Variants in NKAIN3 observed in about 807,000 individuals in gnomAD.
The protein encoded by NKAIN3 is sodium/potassium-transporting ATPase subunit beta-1-interacting protein 3.
NKAIN3 carries 25 observed loss-of-function variants against 30.2 expected under a neutral mutation model. That is an observed-to-expected ratio of 0.83 (90% CI 0.60 to 1.16). The LOEUF is 1.16. NKAIN3 is among the 50% of genes most tolerant of loss of function. NKAIN3 has a pLI of 0.00. For synonymous variants in NKAIN3, 91 were observed against 89.6 expected (o/e 1.02, Z -0.09); for missense variants, 225 against 254.1 (o/e 0.89, Z 0.78).
chr8:62,637,895 A>G (rs533435499), intron 3 of NKAIN3, among the ~76,000 whole-genome samples: 8 of 152,292 alleles, frequency 5.3e-5, no homozygotes, highest in Admixed American at 1.3e-4. Flanking sequence ...CCCTCTGCCT[A>G]TAACACATTA....
At position 62,976,141 on chromosome 8, in the gene NKAIN3, T is replaced by G. The variant is rs1368183614; in HGVS notation, c.*10734T>G. On this transcript the variant is annotated 3_prime_UTR_variant, in exon 7 of 7. Transcript: ENST00000623646. ...TTTAGGAAAATGTGCTATGTGATGCTGAGGAGAATGTATATTCTGTTGATT... is the reference window on the plus strand; with the variant it reads ...TTTAGGAAAATGTGCTATGTGATGCGGAGGAGAATGTATATTCTGTTGATT... Among the ~76,000 whole-genome samples, 4 of 152,216 alleles carry G rather than the reference T, an allele frequency of 2.6e-5. No individual in the cohort carries two copies. Among genetic ancestry groups the G allele is most frequent in the South Asian group, 4.1e-4 (2 of 4,822 alleles).
chr8:62,850,350 T>C (rs1476354459), intron 4 of NKAIN3, among the ~76,000 whole-genome samples: 1 of 152,156 alleles, frequency 6.6e-6, no homozygotes, highest in African/African-American at 2.4e-5. Context: ...AGATTCTGCA[T>C]ATTAGCCCTT....
chr8:62,324,293 AAAAG>A (rs2129589628), intron 1 of NKAIN3, among the ~76,000 whole-genome samples: 1 of 152,242 alleles, frequency 6.6e-6, no homozygotes, highest in African/African-American at 2.4e-5. Context: ...AGAGTATTGA[AAAAG>A]AAAGAACATA....
At chr8:62,838,107 TCTCA>T (rs1353478167) in intron 4 of NKAIN3, among the ~76,000 whole-genome samples, 4 of 148,156 alleles carry the variant, frequency 2.7e-5, no homozygotes, top group African/African-American at 1.0e-4. Flanking sequence ...TGTGTGTGTA[TCTCA>T]CTCTGAACAA....
In NKAIN3 at chr8:62,377,605, C is replaced by T. The variant is rs117636168; in HGVS notation, c.54+128478C>T. Among the ~76,000 whole-genome samples the T allele has an allele frequency of 7.5e-3, 1,144 of 152,192 alleles. 10 individuals carry two copies. The highest frequency in any genetic ancestry group is 0.013 in the Non-Finnish European group (914 of 68,020). On this transcript the variant is annotated intron_variant, in intron 1 of 6. Transcript: ENST00000623646. ...CATCTTGAATTATAATCCCGTAATT[C>T]CCACAAGTTGTGGGAAGGACCTGGT...
intron 1 of NKAIN3, among the ~76,000 whole-genome samples, chr8:62,349,458 A>G (rs1181243323): frequency 6.6e-6 from 1 of 152,202 alleles, no homozygotes; most frequent in Non-Finnish European, 1.5e-5. Context: ...TTGTTCAACT[A>G]TTAGTAATTT....
rs10525699 is a variant in NKAIN3 at position 62,845,285 on chromosome 8, T to TTATATATATATATATATATATATATA, written c.472-73165_472-73140dup. ...ATTCATTGACCTGCTGGATAGTAGATTATATATATATATATATATATATAT... is the reference window on the plus strand; with the variant it reads ...ATTCATTGACCTGCTGGATAGTAGATTATATATATATATATATATATATATATATATATATATATATATATATATAT... On this transcript the variant is annotated intron_variant, in intron 4 of 6. Coordinates refer to ENST00000623646, the MANE Select transcript of NKAIN3 (RefSeq NM_001304533.3). Among the ~76,000 whole-genome samples, 125 of 68,868 alleles carry TTATATATATATATATATATATATATA rather than the reference T, an allele frequency of 1.8e-3. 7 individuals carry two copies. Among genetic ancestry groups the TTATATATATATATATATATATATATA allele is most frequent in the Middle Eastern group, 0.014 (2 of 148 alleles). The allele number at this position is 68,868 out of a possible 152,430, so 45.2% of individuals were successfully genotyped here. A position where few individuals can be genotyped will look rare whatever the true frequency, so the allele number is the denominator to read the frequency against.
chr8:62,802,792 A>G (rs1818117355), intron 4 of NKAIN3, among the ~76,000 whole-genome samples: 1 of 152,204 alleles, frequency 6.6e-6, no homozygotes, highest in Non-Finnish European at 1.5e-5. Flanking sequence ...AATGGACTTA[A>G]TGCTCCATTT....
At chr8:62,571,595 A>G (rs1365866125) in intron 1 of NKAIN3, among the ~76,000 whole-genome samples, 1 of 151,854 alleles carries the variant, frequency 6.6e-6, no homozygotes, top group African/African-American at 2.4e-5. Flanking sequence ...TCCCTTCCAC[A>G]CTGCCCTAGC....
At chr8:62,987,266 G>C (rs971533319), downstream of NKAIN3, among the ~76,000 whole-genome samples, 1 of 151,988 alleles carries the variant, frequency 6.6e-6, no homozygotes, top group Non-Finnish European at 1.5e-5. Context: ...GGTGGCTGGC[G>C]TGTGCCTGTA....
intron 5 of NKAIN3, among the ~76,000 whole-genome samples, chr8:62,947,619 T>G (rs1392366800): frequency 6.6e-6 from 1 of 152,132 alleles, no homozygotes; most frequent in Non-Finnish European, 1.5e-5. Context: ...ACTAATCAAG[T>G]TTGGTGGAAG....
chr8:62,723,770 A>C (rs1023413669), intron 3 of NKAIN3, among the ~76,000 whole-genome samples: 10 of 152,088 alleles, frequency 6.6e-5, no homozygotes, highest in Non-Finnish European at 1.3e-4. Flanking sequence ...TTTCACAAGG[A>C]TATATCTGAT....
At chr8:62,909,285 T>C (rs10086498) in intron 4 of NKAIN3, among the ~76,000 whole-genome samples, 103,245 of 152,050 alleles carry the variant, frequency 0.68, 35,986 homozygotes, top group East Asian at 0.9. Context: ...TGTAGCTTTA[T>C]GTCATTTGCA....
At chr8:62,782,510 G>A (rs1302838217) in intron 4 of NKAIN3, among the ~76,000 whole-genome samples, 1 of 149,730 alleles carries the variant, frequency 6.7e-6, no homozygotes, top group Non-Finnish European at 1.5e-5. Flanking sequence ...GCAAAGATTT[G>A]GAATTAACCT....
chr8:62,295,408 A>G (rs1219175106), intron 1 of NKAIN3, among the ~76,000 whole-genome samples: 2 of 152,168 alleles, frequency 1.3e-5, no homozygotes, highest in African/African-American at 4.8e-5. Flanking sequence ...ACTCAGCGTG[A>G]TTTCATGCAA....
chr8:62,870,506 A>G (rs940153991), intron 4 of NKAIN3, among the ~76,000 whole-genome samples: 3 of 138,030 alleles, frequency 2.2e-5, no homozygotes, highest in African/African-American at 8.2e-5. Flanking sequence ...CAATATATAC[A>G]ATATGTACGT....
chr8:62,863,516 T>G (rs568386236), intron 4 of NKAIN3: 2 of 1,441,746 alleles, frequency 1.4e-6, no homozygotes, highest in African/African-American at 1.4e-5. Context: ...GCCTTGATAG[T>G]TGAACTTGAT....
At chr8:62,427,220 G>A (rs1804834597) in intron 1 of NKAIN3, among the ~76,000 whole-genome samples, 1 of 151,952 alleles carries the variant, frequency 6.6e-6, no homozygotes, top group Admixed American at 6.6e-5. Context: ...ACAATTTTTG[G>A]AAACCTGTTT....
intron 6 of NKAIN3, among the ~76,000 whole-genome samples, chr8:62,962,420 G>C (rs1823594612): frequency 6.6e-6 from 1 of 152,202 alleles, no homozygotes; most frequent in Admixed American, 6.5e-5. Flanking sequence ...TATGGGCTGA[G>C]TATTAAATGA....
Sources: allele counts gnomAD v4.1 joint callset (sites outside exome capture counted in the v4.1 genomes callset), GRCh38; gene constraint gnomAD v4.1.1; transcripts MANE v1.5; gene names NCBI Gene and HGNC (gene_info 2026-07-23, HGNC 2026-07-21).